The following CCDC30 variants were observed in gnomAD, a reference collection of about 807,000 sequenced individuals.
The protein encoded by CCDC30 is coiled-coil domain containing 30.
A neutral mutation model predicts 100.2 loss-of-function variants in CCDC30; 70 were observed. The ratio of observed to expected loss-of-function variants is 0.70; its 90% CI spans 0.58 to 0.85. The LOEUF (loss-of-function observed/expected upper bound fraction) is 0.85, where lower values mean the gene tolerates loss of function less well. CCDC30 is among the 40% of genes least tolerant of loss of function. The probability of loss-of-function intolerance (pLI) is 0.00; values close to 1 mark genes in which losing one functional copy is unlikely to be tolerated. For missense variants in CCDC30, 652 were observed against 771.2 expected (o/e 0.85, Z 1.83); for synonymous variants, 233 against 269.5 (o/e 0.86, Z 1.33).
At chr1:42,568,790 A>T (rs1470979682) in intron 7 of CCDC30, among the ~76,000 whole-genome samples, 1 of 149,776 alleles carries the variant, frequency 6.7e-6, no homozygotes, top group Non-Finnish European at 1.5e-5. Flanking sequence ...AAAAAAAAAA[A>T]GAGTTAGCCG....
intron 6 of CCDC30, among the ~76,000 whole-genome samples, chr1:42,511,522 G>T (rs1326273508): frequency 6.6e-6 from 1 of 152,136 alleles, no homozygotes; most frequent in African/African-American, 2.4e-5. Context: ...AGGTAGAATA[G>T]GTGCCTTAAA....
chr1:42,498,791 T>C (rs1028152252), intron 5 of CCDC30, 27 bp from the exon 6 acceptor site: 1 of 1,121,716 alleles, frequency 8.9e-7, no homozygotes, highest in Non-Finnish European at 1.1e-6. Flanking sequence ...TTGAGAAGTC[T>C]ACAAGGTGTT....
At position 42,646,057 on chromosome 1, in the gene CCDC30, G is replaced by A. The variant is rs192578921; in HGVS notation, c.1672-78G>A. 31 of 1,477,426 alleles carry A rather than the reference G, an allele frequency of 2.1e-5. 1 individual carries two copies. The highest frequency in any genetic ancestry group is 4.1e-4 in the Middle Eastern group (2 of 4,864). The allele number at this position is 1,477,426 out of a possible 1,614,324, so 91.5% of individuals were successfully genotyped here. On this transcript the variant is annotated intron_variant, in intron 14 of 16. Transcript: ENST00000668663. The stretch of plus-strand genomic sequence containing the variant: ...TATAGCACATCAAACTCAATATTCC[G>A]TATGTGTCAAAGGTACTAACTTCTA...
At chr1:42,489,283 TG>T (rs1157882438) in intron 3 of CCDC30, among the ~76,000 whole-genome samples, 1 of 152,220 alleles carries the variant, frequency 6.6e-6, no homozygotes, top group Admixed American at 6.5e-5. Flanking sequence ...ATCTATAAAA[TG>T]GAAACATGAA....
At chr1:42,514,089 T>C (rs1315505137) in intron 6 of CCDC30, among the ~76,000 whole-genome samples, 1 of 152,210 alleles carries the variant, frequency 6.6e-6, no homozygotes, top group East Asian at 1.9e-4. Flanking sequence ...TGAGATTTGG[T>C]GAGGACAAAT....
chr1:42,597,632 C>A (rs1366664893), intron 10 of CCDC30, among the ~76,000 whole-genome samples: 2 of 146,686 alleles, frequency 1.4e-5, no homozygotes, highest in Non-Finnish European at 3.0e-5. Context: ...CCCATCCCTA[C>A]AAAAAAAAAA....
chr1:42,577,274 T>C (rs1243967542), intron 8 of CCDC30, 45 bp downstream of exon 12: 2 of 1,191,050 alleles, frequency 1.7e-6, no homozygotes, highest in Non-Finnish European at 2.5e-6. Context: ...TGAATACCAC[T>C]ACTGAAATCT....
chr1:42,576,655 C>A (rs575418585), intron 7 of CCDC30, among the ~76,000 whole-genome samples: 10 of 152,130 alleles, frequency 6.6e-5, no homozygotes, highest in Admixed American at 3.9e-4. Context: ...AGTTTGGTGT[C>A]ACAGAATGCT....
At chr1:42,627,035 A>G (rs1646946463) in intron 11 of CCDC30, among the ~76,000 whole-genome samples, 1 of 152,216 alleles carries the variant, frequency 6.6e-6, no homozygotes. Flanking sequence ...GAGGGCTCAG[A>G]AGAAGACAGG....
intron 4 of CCDC30, among the ~76,000 whole-genome samples, chr1:42,490,854 A>T (rs1216501107): frequency 6.6e-6 from 1 of 152,202 alleles, no homozygotes; most frequent in Non-Finnish European, 1.5e-5. Flanking sequence ...CAAATCATGC[A>T]TATTTTACTG....
chr1:42,648,810 A>G (rs2148695452), intron 15 of CCDC30, among the ~76,000 whole-genome samples: 1 of 152,286 alleles, frequency 6.6e-6, no homozygotes, highest in East Asian at 1.9e-4. Context: ...AGCTGGACAA[A>G]CTAAGAAAAA....
Position 42,547,364 on chromosome 1 carries a change from T to C in CCDC30, c.457-18932T>C, listed in dbSNP as rs573195480. On this transcript the variant is annotated intron_variant, in intron 6 of 16. Transcript: ENST00000668663. The stretch of plus-strand genomic sequence containing the variant: ...GACCAATTAATCTATATATGAGTGA[T>C]AGATGAAGAGATGGTTGCCTACATT... Among the ~76,000 whole-genome samples the C allele has an allele frequency of 9.8e-5, 15 of 152,328 alleles. 1 individual carries two copies. Among genetic ancestry groups the C allele is most frequent in the African/African-American group, 3.4e-4 (14 of 41,578 alleles).
At chr1:42,609,496 G>T (rs886876003) in intron 10 of CCDC30, among the ~76,000 whole-genome samples, 28 of 152,118 alleles carry the variant, frequency 1.8e-4, no homozygotes, top group African/African-American at 6.8e-4. Context: ...ATGTTGTTCA[G>T]GGGTTAGGGG....
chr1:42,650,497 ATGTGTG>A (rs57051349), intron 15 of CCDC30, among the ~76,000 whole-genome samples: 2,117 of 136,268 alleles, frequency 0.016, 45 homozygotes, highest in African/African-American at 0.051. Flanking sequence ...AAAAATATAT[ATGTGTG>A]TGTGTGTGTG....
chr1:42,655,260 G>C (rs1648619089), downstream of CCDC30, among the ~76,000 whole-genome samples: 2 of 152,136 alleles, frequency 1.3e-5, no homozygotes, highest in Non-Finnish European at 2.9e-5. Context: ...GTGGATAGGA[G>C]GTTGGGCGTG....
At chr1:42,495,919 T>C (rs988293027) in intron 4 of CCDC30, among the ~76,000 whole-genome samples, 1 of 152,142 alleles carries the variant, frequency 6.6e-6, no homozygotes, top group African/African-American at 2.4e-5. Flanking sequence ...ACTTGTTGGA[T>C]AGTAAAATTA....
At chr1:42,460,474 G>A, upstream of CCDC30, 2 of 682,518 alleles carry the variant, frequency 2.9e-6, no homozygotes, top group Non-Finnish European at 3.6e-6. Context: ...ATACCTCCCT[G>A]AAGATAGATT....
In CCDC30 at chr1:42,524,837, C is replaced by T. The variant is rs148732975; in HGVS notation, c.456+25921C>T. Among the ~76,000 whole-genome samples the T allele has an allele frequency of 6.6e-4, 100 of 152,312 alleles. 2 individuals are homozygous for T. Among genetic ancestry groups the T allele is most frequent in the Middle Eastern group, 3.4e-3 (1 of 292 alleles). ...AGAGTTCAAAAATATTCGTATCAGA[C>T]AGATGCCACCAGCAGGATTATTGTT... On this transcript the variant is annotated intron_variant, in intron 6 of 16. Transcript: ENST00000668663.
downstream of CCDC30, among the ~76,000 whole-genome samples, chr1:42,656,459 T>A (rs146138157): frequency 4.3e-3 from 655 of 152,174 alleles, 6 homozygotes; most frequent in African/African-American, 0.015. Context: ...GGCAAAGCCC[T>A]GTCTCTACTA....
Sources: gnomAD v4.1 joint callset for allele counts (sites outside exome capture counted in the v4.1 genomes callset) on GRCh38, gnomAD v4.1.1 for gene constraint, MANE v1.5 for transcripts, NCBI Gene and HGNC (gene_info 2026-07-23, HGNC 2026-07-21) for gene names.